The following SOX6 variants were observed in gnomAD, a reference collection of about 807,000 sequenced individuals.
The protein encoded by SOX6 is transcription factor SOX-6.
In SOX6, 11 loss-of-function variants were observed where a neutral mutation model predicts 97.8. That is an observed-to-expected ratio of 0.11 (90% CI 0.07 to 0.19). The LOEUF is 0.19. Among genes scored for constraint, SOX6 ranks in the 10% least tolerant of loss-of-function variants. The probability of loss-of-function intolerance (pLI) is 1.00; values close to 1 mark genes in which losing one functional copy is unlikely to be tolerated. For missense variants in SOX6, 810 were observed against 1,039.5 expected (o/e 0.78, Z 3.04); for synonymous variants, 360 against 371.4 (o/e 0.97, Z 0.35).
chr11:16,366,423 A>T (rs1857359629), intron 1 of SOX6, among the ~76,000 whole-genome samples: 1 of 152,166 alleles, frequency 6.6e-6, no homozygotes, highest in Non-Finnish European at 1.5e-5. Context: ...AGAGAAAAAG[A>T]TGCAAATAAT....
intron 13 of SOX6, among the ~76,000 whole-genome samples, 192 bp from the exon 14 acceptor site, chr11:15,989,422 C>G (rs1427739093): frequency 6.6e-6 from 1 of 152,106 alleles, no homozygotes; most frequent in Non-Finnish European, 1.5e-5. Flanking sequence ...CAAAGACACA[C>G]TAAGAATTAA....
At chr11:16,093,966 G>A (rs1017507141) in intron 9 of SOX6, among the ~76,000 whole-genome samples, 1 of 151,802 alleles carries the variant, frequency 6.6e-6, no homozygotes, top group Non-Finnish European at 1.5e-5. Flanking sequence ...AAACAAGGTC[G>A]ATCTTTTCTA....
At chr11:16,430,875 A>G (rs1479426317) in intron 1 of SOX6, among the ~76,000 whole-genome samples, 3 of 152,032 alleles carry the variant, frequency 2.0e-5, no homozygotes, top group African/African-American at 7.2e-5. Flanking sequence ...AACTCATGTC[A>G]CCTTTCTGCT....
At position 16,607,760 on chromosome 11, in the gene SOX6, G is replaced by A. The variant is rs1352309559; in HGVS notation, n.609+4321C>T. ...TTCCCGTCGTGCAACATCAGAAAGT[G>A]AGTGGCCAGGGCATTGATCTGAGCG... On this transcript the variant is annotated intron_variant and non_coding_transcript_variant, in intron 4 of 5. Coordinates refer to the SOX6 transcript ENST00000524520. This position sits in a 1 kb window ranked among gnomAD's most constrained non-coding sequence, Gnocchi z 6.5. The A allele has an allele frequency of 6.6e-6, 1 of 152,562 alleles. No homozygotes were observed. Among genetic ancestry groups the A allele is most frequent in the African/African-American group, 2.4e-5 (1 of 41,472 alleles). 9.5% of individuals were successfully genotyped at this position (152,562 alleles called of 1,614,324 possible).
intron 1 of SOX6, among the ~76,000 whole-genome samples, chr11:16,432,281 T>C (rs1304981124): frequency 6.6e-6 from 1 of 152,100 alleles, no homozygotes; most frequent in Non-Finnish European, 1.5e-5. Context: ...AGCACCATTT[T>C]AAAAGCTCTT....
intron 4 of SOX6, among the ~76,000 whole-genome samples, chr11:16,211,934 G>A (rs1239688835): frequency 6.6e-6 from 1 of 152,164 alleles, no homozygotes; most frequent in Non-Finnish European, 1.5e-5. Flanking sequence ...TTACTGAGAT[G>A]AGAAAGATTT....
intron 3 of SOX6, among the ~76,000 whole-genome samples, chr11:16,302,945 T>C (rs919633305): frequency 6.6e-6 from 1 of 151,564 alleles, no homozygotes; most frequent in Non-Finnish European, 1.5e-5. Flanking sequence ...CTTATTTACA[T>C]GTGTTTCCTA....
At chr11:16,379,466 CA>C (rs1439803182) in intron 1 of SOX6, among the ~76,000 whole-genome samples, 3 of 149,076 alleles carry the variant, frequency 2.0e-5, no homozygotes, top group Non-Finnish European at 4.5e-5. Context: ...AACTCCATCT[CA>C]AAAAAAGAAA....
intron 9 of SOX6, among the ~76,000 whole-genome samples, chr11:16,076,573 T>C (rs977790075): frequency 1.3e-5 from 2 of 151,984 alleles, no homozygotes; most frequent in Non-Finnish European, 2.9e-5. Flanking sequence ...GAGTAATCTA[T>C]GAAGAAAAAA....
chr11:16,116,913 C>T (rs901765529), intron 6 of SOX6, among the ~76,000 whole-genome samples: 1 of 152,190 alleles, frequency 6.6e-6, no homozygotes, highest in African/African-American at 2.4e-5. Flanking sequence ...GCTTGATGAT[C>T]TGTGGTGGAA....
At chr11:16,475,767 G>C (rs1172854729) in intron 1 of SOX6, among the ~76,000 whole-genome samples, 1 of 152,184 alleles carries the variant, frequency 6.6e-6, no homozygotes, top group Non-Finnish European at 1.5e-5. Context: ...CTTGCCCAAT[G>C]CAGGGTTGCC....
At chr11:16,181,353 T>C (rs547953484) in intron 6 of SOX6, among the ~76,000 whole-genome samples, 2 of 151,842 alleles carry the variant, frequency 1.3e-5, no homozygotes, top group Admixed American at 6.6e-5. Flanking sequence ...AATTCACCTT[T>C]AATAATTTTG....
At chr11:16,501,867 CT>C (rs1450334534) in intron 4 of SOX6, among the ~76,000 whole-genome samples, 3 of 152,178 alleles carry the variant, frequency 2.0e-5, no homozygotes, top group Non-Finnish European at 4.4e-5. Context: ...GTTGGTGGGA[CT>C]GTAAACTAGT....
chr11:16,542,328 G>A (rs562990254), intron 4 of SOX6, among the ~76,000 whole-genome samples: 2 of 152,156 alleles, frequency 1.3e-5, no homozygotes, highest in East Asian at 3.9e-4. Flanking sequence ...TGGGGGGCTT[G>A]GGGAAGGGAT....
intron 3 of SOX6, among the ~76,000 whole-genome samples, chr11:16,705,174 C>G (rs1039445748): frequency 1.3e-5 from 2 of 151,974 alleles, no homozygotes; most frequent in African/African-American, 4.8e-5. Context: ...AGGAGAATCG[C>G]TTGAACCCAG....
chr11:16,192,399 A>C (rs1277982442), intron 4 of SOX6, among the ~76,000 whole-genome samples: 1 of 152,126 alleles, frequency 6.6e-6, no homozygotes, highest in Non-Finnish European at 1.5e-5. Context: ...TGATCCATTG[A>C]ATTCTTTACC....
intron 6 of SOX6, among the ~76,000 whole-genome samples, chr11:16,127,062 T>C (rs754510950): frequency 5.9e-5 from 9 of 152,132 alleles, no homozygotes; most frequent in Non-Finnish European, 5.9e-5. Context: ...TCAATATTTA[T>C]TGCAAATTCT....
chr11:16,115,486 G>A (rs1849326158), intron 6 of SOX6, among the ~76,000 whole-genome samples: 1 of 152,174 alleles, frequency 6.6e-6, no homozygotes, highest in Non-Finnish European at 1.5e-5. Context: ...CTTTGAATCA[G>A]TAGATCTGAG....
intron 6 of SOX6, among the ~76,000 whole-genome samples, chr11:16,177,524 T>C: frequency 6.6e-6 from 1 of 151,788 alleles, no homozygotes. Flanking sequence ...CTGCCGTAAA[T>C]AGAAGCTAAC....
Sources: allele counts gnomAD v4.1 joint callset (sites outside exome capture counted in the v4.1 genomes callset), GRCh38; gene constraint gnomAD v4.1.1; non-coding constraint Gnocchi (gnomAD v3.1); transcripts MANE v1.5; gene names NCBI Gene and HGNC (gene_info 2026-07-23, HGNC 2026-07-21).